The following THSD7B variants were observed in gnomAD, a reference collection of about 807,000 sequenced individuals.
THSD7B encodes the protein thrombospondin type-1 domain-containing protein 7B.
A neutral mutation model predicts 213.6 loss-of-function variants in THSD7B; 138 were observed. That is an observed-to-expected ratio of 0.65 (90% CI 0.56 to 0.74). THSD7B has a LOEUF of 0.74. THSD7B is among the 30% of genes least tolerant of loss of function. THSD7B has a pLI of 0.00. For synonymous variants in THSD7B, 742 were observed against 687.0 expected (o/e 1.08, Z -1.25); for missense variants, 1,931 against 1,991.5 (o/e 0.97, Z 0.58).
intron 10 of THSD7B, among the ~76,000 whole-genome samples, chr2:137,263,737 G>A (rs1682505692): frequency 6.6e-6 from 1 of 152,134 alleles, no homozygotes; most frequent in Admixed American, 6.5e-5. Context: ...GGTTTAGCCT[G>A]GGAGAGAATT....
intron 5 of THSD7B, among the ~76,000 whole-genome samples, chr2:137,151,810 C>T (rs1376122009): frequency 2.6e-5 from 4 of 152,122 alleles, no homozygotes; most frequent in African/African-American, 9.7e-5. Context: ...ATTGATTGCA[C>T]TATGACATTA....
intron 17 of THSD7B, among the ~76,000 whole-genome samples, chr2:137,587,273 G>C (rs1291457280): frequency 2.6e-5 from 4 of 152,120 alleles, no homozygotes; most frequent in Non-Finnish European, 5.9e-5. Context: ...TCTTTGTGAT[G>C]GGTTCAAACT....
intron 10 of THSD7B, among the ~76,000 whole-genome samples, chr2:137,249,981 G>A (rs1416626034): frequency 6.6e-6 from 1 of 152,206 alleles, no homozygotes; most frequent in African/African-American, 2.4e-5. Context: ...CTTCACAGAT[G>A]AGGCAACACA....
At position 137,299,303 on chromosome 2, in the gene THSD7B, T is replaced by G. The variant is rs113345620; in HGVS notation, c.2500+23277T>G. Among the ~76,000 whole-genome samples, 786 of 152,220 alleles carry G rather than the reference T, an allele frequency of 5.2e-3. 9 individuals are homozygous for G. Among genetic ancestry groups the G allele is most frequent in the African/African-American group, 0.018 (766 of 41,532 alleles). ...ACTCAATACCTGTACCCCCATTGTA[T>G]CTAGGAAGTAACTGGCTTGCTTTTG... On this transcript the variant is annotated intron_variant, in intron 12 of 27. Coordinates refer to ENST00000409968, the MANE Select transcript of THSD7B (RefSeq NM_001316349.2).
intron 27 of THSD7B, among the ~76,000 whole-genome samples, chr2:137,675,139 G>GTTAA (rs1683667513): frequency 6.6e-6 from 1 of 151,996 alleles, no homozygotes; most frequent in Non-Finnish European, 1.5e-5. Context: ...TGGGCAGAAA[G>GTTAA]TTAATTGATG....
chr2:137,416,035 C>T (rs1686791478), intron 14 of THSD7B, among the ~76,000 whole-genome samples: 1 of 152,194 alleles, frequency 6.6e-6, no homozygotes, highest in South Asian at 2.1e-4. Context: ...ACAACACCTA[C>T]AGTGTCAGAA....
At chr2:136,975,287 A>G (rs1685462161) in intron 2 of THSD7B, among the ~76,000 whole-genome samples, 1 of 151,940 alleles carries the variant, frequency 6.6e-6, no homozygotes, top group East Asian at 1.9e-4. Context: ...CTATGTCCTG[A>G]ATGGTATTGT....
chr2:137,578,936 C>T (rs993338300), intron 17 of THSD7B, among the ~76,000 whole-genome samples: 2 of 152,016 alleles, frequency 1.3e-5, no homozygotes, highest in East Asian at 1.9e-4. Flanking sequence ...AGTCATTTAA[C>T]GTTTGCATAA....
At chr2:137,404,173 A>G (rs1351625239) in intron 12 of THSD7B, among the ~76,000 whole-genome samples, 1 of 151,982 alleles carries the variant, frequency 6.6e-6, no homozygotes. Context: ...AGGAACGACT[A>G]GAGAGTTCCT....
At chr2:137,301,001 C>G (rs1048822377) in intron 12 of THSD7B, among the ~76,000 whole-genome samples, 27 of 152,088 alleles carry the variant, frequency 1.8e-4, no homozygotes, top group Admixed American at 1.6e-3. Flanking sequence ...TATGAAGTCC[C>G]TTATTGCAAT....
chr2:137,524,989 C>T (rs925407612), intron 15 of THSD7B, among the ~76,000 whole-genome samples: 1 of 152,078 alleles, frequency 6.6e-6, no homozygotes, highest in Admixed American at 6.6e-5. Flanking sequence ...TAAGGAGAGG[C>T]CGTGCTTCAT....
intron 21 of THSD7B, among the ~76,000 whole-genome samples, chr2:137,650,928 C>A (rs558652472): frequency 8.5e-5 from 13 of 152,258 alleles, no homozygotes; most frequent in African/African-American, 2.9e-4. Flanking sequence ...TGAATCCCAC[C>A]TGATCATGGT....
At chr2:136,873,381 A>C (rs573327874) in intron 1 of THSD7B, among the ~76,000 whole-genome samples, 4 of 152,294 alleles carry the variant, frequency 2.6e-5, no homozygotes, top group African/African-American at 9.6e-5. Context: ...AGGTCTGCAG[A>C]GTGAGGTGCA....
intron 10 of THSD7B, among the ~76,000 whole-genome samples, chr2:137,245,981 G>T (rs1465520748): frequency 6.6e-5 from 10 of 152,150 alleles, no homozygotes. Context: ...ATACATATAT[G>T]TTGGGTATAA....
intron 15 of THSD7B, among the ~76,000 whole-genome samples, chr2:137,465,973 C>A (rs532683753): frequency 6.6e-6 from 1 of 151,970 alleles, no homozygotes; most frequent in South Asian, 2.1e-4. Context: ...TTTCATGTTC[C>A]CATGGTTTGG....
chr2:137,654,939 T>G (rs906299689), intron 21 of THSD7B, among the ~76,000 whole-genome samples: 1 of 152,308 alleles, frequency 6.6e-6, no homozygotes, highest in East Asian at 1.9e-4. Flanking sequence ...GTACAAATTT[T>G]TTCTAATTGC....
At chr2:137,257,130 A>C (rs1682330663) in intron 10 of THSD7B, among the ~76,000 whole-genome samples, 1 of 152,240 alleles carries the variant, frequency 6.6e-6, no homozygotes, top group African/African-American at 2.4e-5. Flanking sequence ...CACCTCTTAA[A>C]GGAGCCACCT....
At chr2:137,279,011 C>A (rs376727364) in intron 12 of THSD7B, among the ~76,000 whole-genome samples, 12 of 152,024 alleles carry the variant, frequency 7.9e-5, no homozygotes, top group Admixed American at 5.2e-4. Flanking sequence ...AGTGAAGGGA[C>A]CTGGGAGGTG....
At chr2:137,332,264 A>T (rs1211673290) in intron 12 of THSD7B, among the ~76,000 whole-genome samples, 1 of 152,188 alleles carries the variant, frequency 6.6e-6, no homozygotes, top group African/African-American at 2.4e-5. Context: ...GCATGACTGG[A>T]TGTGAGACAT....
Sources: gnomAD v4.1 joint callset for allele counts (sites outside exome capture counted in the v4.1 genomes callset) on GRCh38, gnomAD v4.1.1 for gene constraint, MANE v1.5 for transcripts, NCBI Gene and HGNC (gene_info 2026-07-23, HGNC 2026-07-21) for gene names.